The following PLCB4 variants were observed in gnomAD, a reference collection of about 807,000 sequenced individuals.
PLCB4 encodes the protein 1-phosphatidylinositol 4,5-bisphosphate phosphodiesterase beta-4.
In PLCB4, 77 loss-of-function variants were observed where a neutral mutation model predicts 178.8. The observed-to-expected ratio is 0.43, with a 90% CI of 0.36 to 0.52. PLCB4 has a LOEUF of 0.52. PLCB4 is among the 20% of genes least tolerant of loss of function. The pLI is 0.00. For missense variants in PLCB4, 1,024 were observed against 1,453.4 expected, an observed-to-expected ratio of 0.70 and a Z score of 4.80; for synonymous variants, 496 against 490.8, an observed-to-expected ratio of 1.01 and a Z score of -0.14.
intron 36 of PLCB4, among the ~76,000 whole-genome samples, chr20:9,468,914 G>A (rs2043986291): frequency 6.6e-6 from 1 of 152,006 alleles, no homozygotes; most frequent in African/African-American, 2.4e-5. Context: ...TATATGTGCT[G>A]CTTTACAAAC....
At chr20:9,427,344 G>T (rs924304007) in intron 28 of PLCB4, among the ~76,000 whole-genome samples, 5 of 150,454 alleles carry the variant, frequency 3.3e-5, no homozygotes, top group African/African-American at 1.2e-4. Flanking sequence ...GATGCAAAAT[G>T]TCCAACAATA....
chr20:9,128,529 A>T (rs1359918783), intron 2 of PLCB4, among the ~76,000 whole-genome samples: 1 of 151,942 alleles, frequency 6.6e-6, no homozygotes, highest in Non-Finnish European at 1.5e-5. Context: ...GAATTACAGG[A>T]GTGTACCTCC....
At chr20:9,458,058 A>G (rs1344101413) in intron 34 of PLCB4, among the ~76,000 whole-genome samples, 2 of 152,090 alleles carry the variant, frequency 1.3e-5, no homozygotes, top group Non-Finnish European at 2.9e-5. Context: ...AATGAAAACA[A>G]TTCTTCCAGC....
chr20:9,284,059 G>A (rs900937014), intron 3 of PLCB4, among the ~76,000 whole-genome samples: 2 of 151,964 alleles, frequency 1.3e-5, no homozygotes, highest in Non-Finnish European at 2.9e-5. Flanking sequence ...CAAAATATAT[G>A]TAGTCACTAC....
chr20:9,431,941 A>G (rs946571828), intron 28 of PLCB4, among the ~76,000 whole-genome samples: 4 of 152,230 alleles, frequency 2.6e-5, no homozygotes, highest in African/African-American at 7.2e-5. Context: ...TTATTTAACT[A>G]AACCATTAAC....
chr20:9,408,641 A>T lies in PLCB4; in HGVS notation c.1798A>T (p.Ile600Phe). 2 of 1,551,936 alleles carry T rather than the reference A, an allele frequency of 1.3e-6. No individual in the cohort carries two copies. Among genetic ancestry groups the T allele is most frequent in the Non-Finnish European group, 1.8e-6 (2 of 1,123,898 alleles). Reference sequence around the variant, plus strand: ...TTGCTTTTCTTTTACAGAACGCAATATTCATTATAACATGTCTTCTTTTAA... The same window carrying T: ...TTGCTTTTCTTTTACAGAACGCAATTTTCATTATAACATGTCTTCTTTTAA... ...QGFHVAEERN[I>F]HYNMSSFNES... Residue 600 changes from isoleucine (I) to phenylalanine (F), a missense_variant, in exon 23 of 40, where the codon ATT becomes TTT. This residue lies in a region of PLCB4 where 263 missense variants were observed against 417.4 expected (regional missense o/e 0.63). Transcript: ENST00000378473.
intron 2 of PLCB4, among the ~76,000 whole-genome samples, chr20:9,158,022 A>G (rs1013036110): frequency 1.3e-5 from 2 of 152,088 alleles, no homozygotes; most frequent in African/African-American, 4.8e-5. Context: ...CTTCACGATA[A>G]CCCTTTGAAG....
chr20:9,338,017 G>T lies in PLCB4; in HGVS notation c.175G>T (p.Val59Leu). The T allele has an allele frequency of 9.9e-6, 16 of 1,610,922 alleles. No individual in the cohort carries two copies. The South Asian group carries it at 1.5e-4, about 15-fold the overall frequency. ...TWRSEGKEGQ[V>L]LECSLINSIR... is the part of the protein sequence containing the mutation. ...TATTCTCTCTCTTCAGGAAGGACAG[G>T]TGCTAGAATGCTCCCTCATCAACAG... is the stretch of plus-strand genomic sequence containing the variant. The change falls in exon 6 of 40, where the codon GTG becomes TTG. Residue 59 changes from valine to leucine, a missense_variant. Physicochemically the swap from Val to Leu is conservative, Grantham distance 32. Around this residue, in one of 7 missense-constraint regions of PLCB4, gnomAD observed 225 missense variants for 291.0 expected, o/e 0.77. Transcript: ENST00000378473.
intron 35 of PLCB4, among the ~76,000 whole-genome samples, chr20:9,466,931 A>G (rs1279123277): frequency 2.6e-5 from 4 of 152,224 alleles, no homozygotes; most frequent in Non-Finnish European, 5.9e-5. Context: ...ATTACTGGGT[A>G]TATACCCAGA....
chr20:9,105,353 G>T (rs1176324410), intron 2 of PLCB4, among the ~76,000 whole-genome samples: 1 of 152,094 alleles, frequency 6.6e-6, no homozygotes, highest in Non-Finnish European at 1.5e-5. Flanking sequence ...CATATTAGTG[G>T]AGAGAGATTC....
intron 35 of PLCB4, among the ~76,000 whole-genome samples, chr20:9,463,131 G>A (rs944116266): frequency 5.9e-5 from 9 of 152,070 alleles, no homozygotes; most frequent in Non-Finnish European, 1.2e-4. Flanking sequence ...TTAAAGAAAG[G>A]ATTTTCAACC....
intron 2 of PLCB4, among the ~76,000 whole-genome samples, chr20:9,196,669 C>T (rs376578417): frequency 6.6e-6 from 1 of 152,178 alleles, no homozygotes; most frequent in South Asian, 2.1e-4. Flanking sequence ...CAAAACTACT[C>T]ATGTGATCCT....
chr20:9,118,834 G>T (rs1354469289), intron 2 of PLCB4, among the ~76,000 whole-genome samples: 4 of 152,150 alleles, frequency 2.6e-5, no homozygotes, highest in Admixed American at 2.6e-4. Flanking sequence ...GAAAAGTGAG[G>T]CATTAGCACA....
chr20:9,326,032 G>A (rs1023299291), intron 4 of PLCB4, among the ~76,000 whole-genome samples: 1 of 152,092 alleles, frequency 6.6e-6, no homozygotes, highest in Non-Finnish European at 1.5e-5. Flanking sequence ...GGTGAAAGGG[G>A]CAGCCGTCTC....
At position 9,267,058 on chromosome 20, in the gene PLCB4, C is replaced by T. The variant is rs921463076; in HGVS notation, c.-15-40742C>T. Among the ~76,000 whole-genome samples the T allele has an allele frequency of 2.6e-5, 4 of 152,092 alleles. No individual in the cohort carries two copies. The East Asian group carries it at 5.8e-4, about 22-fold the overall frequency. ...GGTGGAAATGGAGCACGACATACTA[C>T]GTGTATATTCTTATGTAGCAACTTT... On this transcript the variant is annotated intron_variant, in intron 3 of 39. Transcript: ENST00000378473.
intron 19 of PLCB4, among the ~76,000 whole-genome samples, chr20:9,398,219 G>A (rs1041401731): frequency 7.2e-5 from 11 of 152,140 alleles, no homozygotes; most frequent in South Asian, 2.1e-4. Flanking sequence ...TTTATTCATC[G>A]AAGCAGTCTC....
At chr20:9,253,128 C>T (rs1419646335) in intron 3 of PLCB4, among the ~76,000 whole-genome samples, 12 of 152,180 alleles carry the variant, frequency 7.9e-5, no homozygotes, top group Admixed American at 5.2e-4. Context: ...CCTGATCCAT[C>T]ATCTCCAATC....
At chr20:9,192,656 A>G (rs1317442309) in intron 2 of PLCB4, among the ~76,000 whole-genome samples, 1 of 151,320 alleles carries the variant, frequency 6.6e-6, no homozygotes, top group East Asian at 2.0e-4. Flanking sequence ...TACAAAAACA[A>G]ACAAAAAAAT....
At chr20:9,295,081 G>A (rs1175098538) in intron 3 of PLCB4, among the ~76,000 whole-genome samples, 1 of 152,084 alleles carries the variant, frequency 6.6e-6, no homozygotes, top group Non-Finnish European at 1.5e-5. Flanking sequence ...GGAAGCCCTG[G>A]GTTAAGAACC....
Sources: gnomAD v4.1 joint callset for allele counts (sites outside exome capture counted in the v4.1 genomes callset) on GRCh38, gnomAD v4.1.1 for gene constraint, gnomAD v4.1.1 regional missense constraint, MANE v1.5 for transcripts, NCBI Gene and HGNC (gene_info 2026-07-23, HGNC 2026-07-21) for gene names.